Variants in ARMCX4 observed in about 807,000 individuals in gnomAD.
ARMCX4 encodes armadillo repeat-containing X-linked protein 4.
ARMCX4 carries 3 observed loss-of-function variants against 34.7 expected under a neutral mutation model. The ratio of observed to expected loss-of-function variants is 0.09; its 90% CI spans 0.04 to 0.22. The LOEUF is 0.22. Among genes scored for constraint, ARMCX4 ranks in the 10% least tolerant of loss-of-function variants. The probability of loss-of-function intolerance (pLI) is 1.00; values close to 1 mark genes in which losing one functional copy is unlikely to be tolerated. For synonymous variants in ARMCX4, 513 were observed against 632.8 expected (o/e 0.81, Z 2.84); for missense variants, 1,448 against 1,720.8 (o/e 0.84, Z 2.81).
chrX:101,432,742 A>G (rs1311767509), intron 2 of ARMCX4, among the ~76,000 whole-genome samples: 1 of 62,969 alleles, frequency 1.6e-5, no homozygotes, highest in Non-Finnish European at 3.8e-5. Flanking sequence ...ATATATACGT[A>G]TATATATGTG....
At chrX:101,485,889 G>C (rs1490554349) in intron 1 of ARMCX4, 134 bp from the exon 2 acceptor site, 1 of 111,697 alleles carries the variant, frequency 9.0e-6, no homozygotes, top group East Asian at 2.8e-4. Context: ...GGGTTGGTAA[G>C]GGTGGTGTCT....
chrX:101,460,467 G>T (rs1556001072), intron 4 of ARMCX4, among the ~76,000 whole-genome samples: 1 of 111,611 alleles, frequency 9.0e-6, no homozygotes, highest in African/African-American at 3.3e-5. Context: ...GAAGTTAGGA[G>T]ATGTTAAGTA....
intron 4 of ARMCX4, among the ~76,000 whole-genome samples, chrX:101,467,306 T>C (rs1932808691): frequency 1.8e-5 from 2 of 110,962 alleles, no homozygotes; most frequent in Non-Finnish European, 3.8e-5. Flanking sequence ...TGCGCCACCA[T>C]GCCCGGCTAA....
At chrX:101,505,870 T>G (rs782586585) in intron 8 of ARMCX4, among the ~76,000 whole-genome samples, 1 of 112,283 alleles carries the variant, frequency 8.9e-6, no homozygotes, top group East Asian at 2.8e-4. Context: ...AGATGGATTT[T>G]CGCTCTTATT....
intron 11 of ARMCX4, among the ~76,000 whole-genome samples, chrX:101,511,650 T>C (rs1441979865): frequency 1.8e-5 from 2 of 111,160 alleles, no homozygotes; most frequent in Non-Finnish European, 3.8e-5. Flanking sequence ...TTTTTTTTTT[T>C]CTGAGCATTC....
intron 2 of ARMCX4, among the ~76,000 whole-genome samples, chrX:101,428,001 A>C (rs1555991289): frequency 8.9e-6 from 1 of 112,072 alleles, no homozygotes; most frequent in Non-Finnish European, 1.9e-5. Flanking sequence ...AAAGTATAGC[A>C]TTCTATAATT....
downstream of ARMCX4, among the ~76,000 whole-genome samples, chrX:101,496,442 G>A (rs1166977961): frequency 1.8e-5 from 2 of 110,960 alleles, no homozygotes; most frequent in African/African-American, 6.6e-5. Context: ...GAATGGTAAG[G>A]AGAGGATGGA....
intron 3 of ARMCX4, 91 bp downstream of exon 3, chrX:101,487,363 T>C: frequency 6.0e-6 from 1 of 167,310 alleles, no homozygotes; most frequent in Non-Finnish European, 1.2e-5. Flanking sequence ...AGTGGAGTGC[T>C]GGATTGCCAC....
At chrX:101,529,489 C>T (rs1194689567) in intron 11 of ARMCX4, among the ~76,000 whole-genome samples, 1 of 111,348 alleles carries the variant, frequency 9.0e-6, no homozygotes. Context: ...AAATGGGATC[C>T]AATTAAACTA....
At chrX:101,471,657 T>C (rs35671929) in intron 4 of ARMCX4, among the ~76,000 whole-genome samples, 55,228 of 110,348 alleles carry the variant, frequency 0.5, 11,050 homozygotes, top group African/African-American at 0.75. Context: ...CCCCTGACCC[T>C]GGAGCAGCCT....
At chrX:101,428,225 C>T (rs1030441915) in intron 2 of ARMCX4, among the ~76,000 whole-genome samples, 6 of 112,095 alleles carry the variant, frequency 5.4e-5, no homozygotes, top group Non-Finnish European at 1.1e-4. Context: ...TTCATATATA[C>T]ACCAACATGG....
intron 2 of ARMCX4, among the ~76,000 whole-genome samples, chrX:101,437,214 G>A (rs782001993): frequency 8.9e-6 from 1 of 112,017 alleles, no homozygotes; most frequent in South Asian, 3.7e-4. Context: ...AGTTTCAGAA[G>A]GAATGGTACC....
At chrX:101,527,079 G>A (rs1556020763) in intron 11 of ARMCX4, among the ~76,000 whole-genome samples, 1 of 111,667 alleles carries the variant, frequency 9.0e-6, no homozygotes, top group Non-Finnish European at 1.9e-5. Flanking sequence ...CACATAATTG[G>A]AAGTAAAGCA....
chrX:101,426,235 C>A (rs1489442330), intron 2 of ARMCX4, among the ~76,000 whole-genome samples: 1 of 111,022 alleles, frequency 9.0e-6, no homozygotes, highest in Non-Finnish European at 1.9e-5. Context: ...TCATAGAGTA[C>A]GTTTGCTAAG....
chrX:101,423,125 G>A (rs1929379519), intron 2 of ARMCX4, among the ~76,000 whole-genome samples: 1 of 108,100 alleles, frequency 9.3e-6, no homozygotes, highest in Admixed American at 9.9e-5. Flanking sequence ...GGCCAGGCTG[G>A]TCTTGAACTC....
At chrX:101,436,551 T>C (rs373236689) in intron 2 of ARMCX4, among the ~76,000 whole-genome samples, 3 of 111,474 alleles carry the variant, frequency 2.7e-5, no homozygotes, top group African/African-American at 6.5e-5. Flanking sequence ...TGGGCTGAGA[T>C]GATGGGGTTT....
intron 3 of ARMCX4, among the ~76,000 whole-genome samples, chrX:101,445,693 G>A (rs782564599): frequency 1.8e-5 from 2 of 111,822 alleles, no homozygotes; most frequent in Non-Finnish European, 3.8e-5. Flanking sequence ...ATGAAGTCTC[G>A]TTAGCAGCAC....
At position 101,490,570 on chromosome X, in the gene ARMCX4, G is replaced by A. The variant is rs1405023411; in HGVS notation, c.1981G>A (p.Gly661Arg). 13 of 1,156,204 alleles carry A rather than the reference G, an allele frequency of 1.1e-5. No individual in the cohort carries two copies. Among genetic ancestry groups the A allele is most frequent in the Non-Finnish European group, 1.5e-5 (13 of 872,938 alleles). ...NPNVVLKAEV[G>R]EGAMGTAQLQ... is the part of the protein sequence containing the mutation. ...CAATGTTGTGCTTAAGGCAGAAGTT[G>A]GGGAAGGTGCAATGGGCACTGCCCA... is the stretch of plus-strand genomic sequence containing the variant. Residue 661 changes from glycine (G) to arginine (R), a missense_variant, in exon 6 of 6, where the codon GGG (glycine) becomes AGG (arginine). By Grantham distance (125) the Gly-to-Arg change is moderately radical. Transcript: ENST00000423738.
At chrX:101,533,009 T>G (rs1414275182) in intron 12 of ARMCX4, 1 of 109,719 alleles carries the variant, frequency 9.1e-6, no homozygotes, top group Non-Finnish European at 1.9e-5. Flanking sequence ...TGGTTAGTCT[T>G]TATTTTCCCA....
Sources: gnomAD v4.1 joint callset for allele counts (sites outside exome capture counted in the v4.1 genomes callset) on GRCh38, gnomAD v4.1.1 for gene constraint, MANE v1.5 for transcripts, NCBI Gene and HGNC (gene_info 2026-07-23, HGNC 2026-07-21) for gene names.